PCCB: variants seen among roughly 807,000 people sequenced by gnomAD.
PCCB encodes the protein propionyl-CoA carboxylase subunit beta, also known as propionyl-CoA carboxylase beta chain, mitochondrial.
A neutral mutation model predicts 60.7 loss-of-function variants in PCCB; 43 were observed. The ratio of observed to expected loss-of-function variants is 0.71; its 90% CI spans 0.55 to 0.91. The LOEUF is 0.91. PCCB is among the 40% of genes least tolerant of loss of function. The probability of loss-of-function intolerance (pLI) is 0.00; values close to 1 mark genes in which losing one functional copy is unlikely to be tolerated. For missense variants in PCCB, 766 were observed against 702.8 expected (o/e 1.09, Z -1.02); for synonymous variants, 276 against 255.9 (o/e 1.08, Z -0.75).
intron 5 of PCCB, among the ~76,000 whole-genome samples, chr3:136,272,498 G>GT (rs1438788936): frequency 6.6e-6 from 1 of 151,904 alleles, no homozygotes; most frequent in African/African-American, 2.4e-5. Flanking sequence ...CTTTTTTGTT[G>GT]TTGGCAGTTT....
Position 136,326,795 on chromosome 3 carries a change from C to G in PCCB, c.1091-8C>G. The G allele has an allele frequency of 6.4e-7, 1 of 1,565,642 alleles. No homozygotes were observed. Among genetic ancestry groups the G allele is most frequent in the Non-Finnish European group, 8.8e-7 (1 of 1,135,846 alleles). On this transcript the variant is annotated splice_region_variant and splice_polypyrimidine_tract_variant and intron_variant, in intron 10 of 14. Transcript: ENST00000251654. The stretch of plus-strand genomic sequence containing the variant: ...GATACTCAGTATGGATAATCTCTCT[C>G]TTTCTAGGATGCTTGGATATTAATT...
intron 9 of PCCB, among the ~76,000 whole-genome samples, chr3:136,313,302 A>C (rs575313435): frequency 6.6e-6 from 1 of 152,226 alleles, no homozygotes; most frequent in African/African-American, 2.4e-5. Context: ...GAGATACTCT[A>C]AATAACCTAA....
chr3:136,262,564 T>G (rs753702450), intron 5 of PCCB, among the ~76,000 whole-genome samples: 5 of 152,170 alleles, frequency 3.3e-5, no homozygotes, highest in African/African-American at 1.2e-4. Flanking sequence ...CTTTGCTTAT[T>G]TACAGACTGA....
intron 2 of PCCB, 175 bp from the exon 3 acceptor site, chr3:136,256,380 T>C: frequency 1.5e-6 from 1 of 656,230 alleles, no homozygotes; most frequent in Non-Finnish European, 2.8e-6. Context: ...GTAGTAGCCC[T>C]GTGCTTGCTG....
intron 5 of PCCB, among the ~76,000 whole-genome samples, chr3:136,271,316 G>A (rs1199801939): frequency 6.6e-6 from 1 of 152,014 alleles, no homozygotes; most frequent in African/African-American, 2.4e-5. Context: ...GCTTAGTATT[G>A]CTTTGGCTAT....
At chr3:136,253,551 A>G (rs1011366644) in intron 1 of PCCB, among the ~76,000 whole-genome samples, 2 of 150,784 alleles carry the variant, frequency 1.3e-5, no homozygotes, top group African/African-American at 4.9e-5. Flanking sequence ...CACCTGGCTA[A>G]TTTTTGTATT....
chr3:136,301,226 G>C (rs112239683), intron 9 of PCCB, 115 bp downstream of exon 9: 43 of 804,672 alleles, frequency 5.3e-5, no homozygotes, highest in African/African-American at 2.8e-4. Flanking sequence ...GACAGCACAG[G>C]TCGGGAATAG....
chr3:136,257,630 A>G (rs1941707726), intron 3 of PCCB, among the ~76,000 whole-genome samples: 1 of 152,204 alleles, frequency 6.6e-6, no homozygotes, highest in Non-Finnish European at 1.5e-5. Context: ...GTCTTTTTAC[A>G]GACCTAAAGT....
intron 10 of PCCB, among the ~76,000 whole-genome samples, chr3:136,322,613 A>G (rs1054807763): frequency 6.6e-6 from 1 of 152,232 alleles, no homozygotes; most frequent in Non-Finnish European, 1.5e-5. Flanking sequence ...TGTAGGAAAT[A>G]AAAAGTGAAG....
intron 9 of PCCB, among the ~76,000 whole-genome samples, chr3:136,312,836 A>T (rs1316371495): frequency 6.6e-6 from 1 of 152,208 alleles, no homozygotes; most frequent in Non-Finnish European, 1.5e-5. Context: ...TGCTAGAAGA[A>T]ACTCTTGGCA....
At chr3:136,309,760 C>CCAT (rs915795362) in intron 9 of PCCB, among the ~76,000 whole-genome samples, 2 of 151,496 alleles carry the variant, frequency 1.3e-5, no homozygotes, top group Admixed American at 1.3e-4. Flanking sequence ...TGTGATTGCA[C>CCAT]CATCATACTC....
intron 9 of PCCB, among the ~76,000 whole-genome samples, chr3:136,315,193 G>A (rs1431096476): frequency 2.0e-5 from 3 of 152,204 alleles, no homozygotes; most frequent in Non-Finnish European, 4.4e-5. Context: ...TGCTTGTGCT[G>A]CTATAAAGGA....
intron 9 of PCCB, among the ~76,000 whole-genome samples, chr3:136,303,447 A>G (rs1934357087): frequency 8.2e-6 from 1 of 122,122 alleles, no homozygotes; most frequent in South Asian, 3.2e-4. Flanking sequence ...AGATTTCTGA[A>G]TACTAAACTT....
intron 10 of PCCB, among the ~76,000 whole-genome samples, chr3:136,325,613 T>A (rs1471614652): frequency 6.6e-6 from 1 of 152,098 alleles, no homozygotes; most frequent in Non-Finnish European, 1.5e-5. Flanking sequence ...CTGCCCGACC[T>A]CCCAAAGTGC....
At chr3:136,319,085 T>A (rs1252600256) in intron 10 of PCCB, among the ~76,000 whole-genome samples, 1 of 152,218 alleles carries the variant, frequency 6.6e-6, no homozygotes, top group Non-Finnish European at 1.5e-5. Flanking sequence ...TTATTATTAA[T>A]TTTTAAAAAT....
chr3:136,287,375 C>T (rs373000771), intron 6 of PCCB, among the ~76,000 whole-genome samples: 6 of 150,570 alleles, frequency 4.0e-5, no homozygotes, highest in African/African-American at 1.2e-4. Flanking sequence ...AGTTCATTCA[C>T]TTTAATAGCT....
In PCCB at chr3:136,271,940, G is replaced by C. The variant is rs563935756; in HGVS notation, c.543+9875G>C. Among the ~76,000 whole-genome samples the C allele has an allele frequency of 2.3e-4, 35 of 152,226 alleles. No homozygotes were observed. In the South Asian group the frequency reaches 4.1e-3, roughly 18 times the overall value. ...AAGTGGGCATCCTTGTCTTGTTCCA[G>C]TTTTCAGGGGGAATGCTTTCAACTT... On this transcript the variant is annotated intron_variant, in intron 5 of 14. Coordinates refer to ENST00000251654, the MANE Select transcript of PCCB (RefSeq NM_000532.5).
In PCCB at chr3:136,312,780, C is replaced by T. The variant is rs75949177; in HGVS notation, c.967-4161C>T. ...TGACTGTGAAAATTTTAAAATCCCA[C>T]TCTTCATAGCAAAAAACTATAAATA... is the stretch of plus-strand genomic sequence containing the variant. On this transcript the variant is annotated intron_variant, in intron 9 of 14. Transcript: ENST00000251654. Among the ~76,000 whole-genome samples the T allele has an allele frequency of 2.3e-4, 35 of 152,280 alleles. 2 individuals are homozygous for T. The East Asian group carries it at 6.8e-3, about 29-fold the overall frequency.
chr3:136,285,267 C>A (rs1185850963), intron 6 of PCCB, among the ~76,000 whole-genome samples: 1 of 152,140 alleles, frequency 6.6e-6, no homozygotes, highest in Non-Finnish European at 1.5e-5. Flanking sequence ...CTGGCTAGAG[C>A]CATCCTTTCC....
Sources: allele counts gnomAD v4.1 joint callset (sites outside exome capture counted in the v4.1 genomes callset), GRCh38; gene constraint gnomAD v4.1.1; transcripts MANE v1.5; gene names NCBI Gene and HGNC (gene_info 2026-07-23, HGNC 2026-07-21).